Variants in ZNF215 observed in about 807,000 individuals in gnomAD.
ZNF215 encodes the protein zinc finger protein 215, also known as BWSCR2-associated zinc finger protein 2.
Under a neutral mutation model 27.2 loss-of-function variants are expected in ZNF215, and 24 were observed. The observed-to-expected ratio is 0.88, with a 90% CI of 0.64 to 1.24. ZNF215 has a LOEUF of 1.24. ZNF215 is among the 50% of genes most tolerant of loss of function. The pLI is 0.00. For missense variants in ZNF215, 675 were observed against 605.7 expected, an observed-to-expected ratio of 1.11 and a Z score of -1.20; for synonymous variants, 210 against 204.0, an observed-to-expected ratio of 1.03 and a Z score of -0.25.
chr11:6,938,968 A>G (rs528494513), intron 3 of ZNF215, among the ~76,000 whole-genome samples: 1 of 152,308 alleles, frequency 6.6e-6, no homozygotes, highest in Non-Finnish European at 1.5e-5. Context: ...TAGAGCCACG[A>G]TAGAATGGGA....
intron 5 of ZNF215, among the ~76,000 whole-genome samples, chr11:6,967,464 T>C (rs954105211): frequency 1.3e-5 from 2 of 152,294 alleles, no homozygotes; most frequent in Admixed American, 6.5e-5. Flanking sequence ...TTCTCCAGCA[T>C]CTGTTGTTTC....
rs371528530 is a variant in ZNF215 at position 6,956,989 on chromosome 11, C to G, written c.*458C>G. On this transcript the variant is annotated 3_prime_UTR_variant, in exon 7 of 7. Transcript: ENST00000278319. ...CTCATGCGAATATAAGAGAATACTT[C>G]TAAGGACAGAAATCTCTGAATCAAT... The G allele has an allele frequency of 1.0e-6, 1 of 987,582 alleles. No homozygotes were observed. Among genetic ancestry groups the G allele is most frequent in the East Asian group, 1.1e-4 (1 of 8,856 alleles). 61.2% of individuals were successfully genotyped at this position (987,582 alleles called of 1,614,324 possible). A position where few individuals can be genotyped will look rare whatever the true frequency, so the allele number is the denominator to read the frequency against.
downstream of ZNF215, among the ~76,000 whole-genome samples, chr11:6,961,705 C>T (rs900036951): frequency 5.9e-5 from 9 of 152,104 alleles, no homozygotes; most frequent in African/African-American, 2.2e-4. Flanking sequence ...GTATTCACAG[C>T]TTTTAGTTGC....
chr11:6,972,685 G>C (rs536151615), intron 5 of ZNF215, among the ~76,000 whole-genome samples: 1 of 152,142 alleles, frequency 6.6e-6, no homozygotes, highest in South Asian at 2.1e-4. Flanking sequence ...GGAATTTCAA[G>C]GAAAGCAGAA....
Position 6,932,163 on chromosome 11 carries a change from C to G in ZNF215, c.-110C>G, listed in dbSNP as rs143978158. On this transcript the variant is annotated 5_prime_UTR_variant, in exon 3 of 7. Transcript: ENST00000278319. ...AACTTTCCTCCTTACCGTGAAATAA[C>G]TTGGCTTAAATCACACTGCATATAG... is the stretch of plus-strand genomic sequence containing the variant. The G allele has an allele frequency of 9.5e-3, 12,832 of 1,353,854 alleles. 76 individuals are homozygous for G. The highest frequency in any genetic ancestry group is 0.011 in the Middle Eastern group (57 of 5,172). 83.9% of individuals were successfully genotyped at this position (1,353,854 alleles called of 1,614,324 possible). A position where few individuals can be genotyped will look rare whatever the true frequency, so the allele number is the denominator to read the frequency against.
chr11:6,936,027 AC>A (rs1214553955), intron 3 of ZNF215, among the ~76,000 whole-genome samples: 1 of 152,120 alleles, frequency 6.6e-6, no homozygotes, highest in African/African-American at 2.4e-5. Context: ...AAAACTTATG[AC>A]ATACAGTGAA....
At chr11:6,976,192 T>C (rs550816344) in intron 5 of ZNF215, among the ~76,000 whole-genome samples, 1 of 152,082 alleles carries the variant, frequency 6.6e-6, no homozygotes. Flanking sequence ...ACTGGATTAT[T>C]AGATTTTTTC....
At chr11:6,975,171 G>A (rs1260550701) in intron 5 of ZNF215, among the ~76,000 whole-genome samples, 1 of 151,968 alleles carries the variant, frequency 6.6e-6, no homozygotes, top group Non-Finnish European at 1.5e-5. Context: ...TTTGTCTTTG[G>A]TTCTGTTCAT....
downstream of ZNF215, among the ~76,000 whole-genome samples, chr11:6,992,798 CATT>C (rs1169830124): frequency 6.6e-6 from 1 of 151,364 alleles, no homozygotes; most frequent in Admixed American, 6.6e-5. Flanking sequence ...TGGCTAGTCA[CATT>C]ATTGTTAAGT....
rs770862391 is a variant in ZNF215 at position 6,955,809 on chromosome 11, A to C, written c.832A>C (p.Lys278Gln). The change falls in exon 7 of 7, where the codon AAA becomes CAA. Residue 278 changes from lysine to glutamine, a missense_variant. Coordinates refer to ENST00000278319, the MANE Select transcript of ZNF215 (RefSeq NM_013250.4). Reference sequence around the variant, plus strand: ...TGAGAATTGGTTATATAGGAACCAGAAAAAATGGGACATAAATTTGCCACA... The same window carrying C: ...TGAGAATTGGTTATATAGGAACCAGCAAAAATGGGACATAAATTTGCCACA... ...KGENWLYRNQ[K>Q]KWDINLPQEA... 6.2e-7 allele frequency: 1 copy of C among 1,613,844 alleles called. No homozygotes were observed. The highest frequency in any genetic ancestry group is 8.5e-7 in the Non-Finnish European group (1 of 1,179,944).
intron 6 of ZNF215, among the ~76,000 whole-genome samples, chr11:6,953,729 T>C (rs1850192876): frequency 6.6e-6 from 1 of 152,248 alleles, no homozygotes; most frequent in Non-Finnish European, 1.5e-5. Flanking sequence ...CCTTCTTCTC[T>C]CAACTCGTCA....
chr11:6,933,583 C>T (rs1020116689), intron 3 of ZNF215, among the ~76,000 whole-genome samples: 13 of 151,710 alleles, frequency 8.6e-5, no homozygotes, highest in African/African-American at 2.7e-4. Context: ...GTCAGGAGAT[C>T]GAGACCATCC....
At chr11:6,953,381 G>A (rs902388636) in intron 6 of ZNF215, among the ~76,000 whole-genome samples, 6 of 152,288 alleles carry the variant, frequency 3.9e-5, no homozygotes, top group Admixed American at 6.5e-5. Context: ...CCAATCAGAC[G>A]TAGATTTGGT....
intron 3 of ZNF215, 92 bp downstream of exon 3, chr11:6,932,764 C>T: frequency 2.4e-6 from 3 of 1,262,238 alleles, no homozygotes; most frequent in Non-Finnish European, 3.2e-6. Context: ...TATCAAGTGC[C>T]AGATCTTGAA....
At position 6,932,310 on chromosome 11, in the gene ZNF215, C is replaced by G. The variant is rs1849290609; in HGVS notation, c.38C>G (p.Pro13Arg). The G allele has an allele frequency of 6.2e-7, 1 of 1,614,064 alleles. No homozygotes were observed. The highest frequency in any genetic ancestry group is 8.5e-7 in the Non-Finnish European group (1 of 1,180,028). Residue 13 changes from proline to arginine, a missense_variant, in exon 3 of 7, where the codon CCT becomes CGT. By Grantham distance (103) the Pro-to-Arg change is moderately radical. Transcript: ENST00000278319. The stretch of plus-strand genomic sequence containing the variant: ...AGCAAGTTGATGGCTATCTCAAAAC[C>G]TCGAAACCTGTCTCTACGTGAACAA... ...PLSKLMAISK[P>R]RNLSLREQRE...
At chr11:6,977,351 A>C (rs1850854302) in intron 5 of ZNF215, among the ~76,000 whole-genome samples, 1 of 151,802 alleles carries the variant, frequency 6.6e-6, no homozygotes, top group Non-Finnish European at 1.5e-5. Flanking sequence ...TATATACTCT[A>C]CCTGACTGTT....
intron 5 of ZNF215, among the ~76,000 whole-genome samples, chr11:6,982,141 T>C (rs1295463697): frequency 6.6e-6 from 1 of 152,030 alleles, no homozygotes; most frequent in Non-Finnish European, 1.5e-5. Context: ...TCCAATTCTG[T>C]GAAGAAAGTC....
At chr11:6,937,263 T>C (rs1177909894) in intron 3 of ZNF215, among the ~76,000 whole-genome samples, 1 of 151,974 alleles carries the variant, frequency 6.6e-6, no homozygotes, top group Non-Finnish European at 1.5e-5. Flanking sequence ...TATGTGCCTA[T>C]AGCAATGAAC....
chr11:6,982,868 A>G (rs1005041170), intron 5 of ZNF215, among the ~76,000 whole-genome samples: 9 of 152,022 alleles, frequency 5.9e-5, no homozygotes, highest in African/African-American at 1.2e-4. Context: ...AAGAACAAAC[A>G]CATTCAAAAG....
Sources: gnomAD v4.1 joint callset for allele counts (sites outside exome capture counted in the v4.1 genomes callset) on GRCh38, gnomAD v4.1.1 for gene constraint, MANE v1.5 for transcripts, NCBI Gene and HGNC (gene_info 2026-07-23, HGNC 2026-07-21) for gene names.